The following ANO3 variants were observed in gnomAD, a reference collection of about 807,000 sequenced individuals.
ANO3 encodes the protein anoctamin-3.
ANO3 carries 99 observed loss-of-function variants against 144.8 expected under a neutral mutation model. The ratio of observed to expected loss-of-function variants is 0.68; its 90% CI spans 0.58 to 0.81. The LOEUF is 0.81. Among genes scored for constraint, ANO3 ranks in the 30% least tolerant of loss-of-function variants. The pLI is 0.00. For missense variants in ANO3, 905 were observed against 1,202.2 expected (o/e 0.75, Z 3.66); for synonymous variants, 414 against 392.6 (o/e 1.05, Z -0.64).
chr11:26,625,172 G>A (rs894042783), intron 18 of ANO3, among the ~76,000 whole-genome samples: 10 of 152,110 alleles, frequency 6.6e-5, no homozygotes, highest in African/African-American at 2.2e-4. Flanking sequence ...TGATCTGCCC[G>A]CCTCGGCCTC....
chr11:26,388,344 CTG>C (rs1856788724), intron 1 of ANO3, among the ~76,000 whole-genome samples: 1 of 151,966 alleles, frequency 6.6e-6, no homozygotes, highest in African/African-American at 2.4e-5. Context: ...CCTAAAGTGA[CTG>C]TAAGTCCTTT....
At chr11:26,620,980 C>T (rs1198973250) in intron 17 of ANO3, among the ~76,000 whole-genome samples, 1 of 152,096 alleles carries the variant, frequency 6.6e-6, no homozygotes, top group Admixed American at 6.6e-5. Context: ...GAAATTCAGA[C>T]AAGTAGATTA....
At chr11:26,547,688 C>CTT in intron 12 of ANO3, 138 bp downstream of exon 12, 4 of 831,134 alleles carry the variant, frequency 4.8e-6, no homozygotes, top group African/African-American at 2.0e-5. Flanking sequence ...TGTTTTTTGG[C>CTT]TTTTGTTTTT....
intron 1 of ANO3, among the ~76,000 whole-genome samples, chr11:26,311,945 A>T (rs575735975): frequency 6.6e-6 from 1 of 152,322 alleles, no homozygotes; most frequent in South Asian, 2.1e-4. Flanking sequence ...GGTGTGCTGC[A>T]CCCATTAACT....
intron 1 of ANO3, among the ~76,000 whole-genome samples, chr11:26,353,921 A>G (rs1855713354): frequency 6.6e-6 from 1 of 152,148 alleles, no homozygotes; most frequent in Non-Finnish European, 1.5e-5. Flanking sequence ...TGAAGAACAC[A>G]TTCTCATTTA....
intron 17 of ANO3, among the ~76,000 whole-genome samples, chr11:26,615,660 C>A (rs913805147): frequency 6.6e-6 from 1 of 151,998 alleles, no homozygotes; most frequent in South Asian, 2.1e-4. Flanking sequence ...TCTACACTTG[C>A]TTCCCTTCGA....
chr11:26,276,223 T>C (rs1304367676), intron 1 of ANO3, among the ~76,000 whole-genome samples: 1 of 152,106 alleles, frequency 6.6e-6, no homozygotes, highest in Non-Finnish European at 1.5e-5. Flanking sequence ...TCCTCAAATA[T>C]CGTTGCATAT....
intron 1 of ANO3, among the ~76,000 whole-genome samples, chr11:26,336,414 T>C (rs1227918695): frequency 6.6e-6 from 1 of 152,254 alleles, no homozygotes; most frequent in Non-Finnish European, 1.5e-5. Flanking sequence ...GTGTTTTTAG[T>C]AATTCCATAG....
At chr11:26,195,796 A>T (rs547951848) in intron 1 of ANO3, among the ~76,000 whole-genome samples, 1 of 152,300 alleles carries the variant, frequency 6.6e-6, no homozygotes, top group South Asian at 2.1e-4. Flanking sequence ...ACAACTACGA[A>T]TGTAGCTCAG....
chr11:26,636,649 G>A (rs1167229241), intron 20 of ANO3, among the ~76,000 whole-genome samples: 2 of 152,228 alleles, frequency 1.3e-5, no homozygotes, highest in African/African-American at 4.8e-5. Context: ...AAACACTGAT[G>A]AAGTTATGAT....
intron 4 of ANO3, among the ~76,000 whole-genome samples, chr11:26,501,616 T>C (rs1861197049): frequency 1.3e-5 from 2 of 152,146 alleles, no homozygotes; most frequent in South Asian, 4.1e-4. Context: ...CCATGCATGC[T>C]ACATGAAGAC....
chr11:26,300,612 G>C (rs921628450), intron 1 of ANO3, among the ~76,000 whole-genome samples: 9 of 152,108 alleles, frequency 5.9e-5, no homozygotes, highest in Admixed American at 2.0e-4. Context: ...CCAGATTTTG[G>C]CAGTCACATA....
In ANO3 at chr11:26,442,051, C is replaced by T. The variant is rs192799862; in HGVS notation, c.180C>T (p.Thr60=). 177 of 1,614,146 alleles carry T rather than the reference C, an allele frequency of 1.1e-4. No homozygotes were observed. The highest frequency in any genetic ancestry group is 3.2e-4 in the Admixed American group (19 of 60,010). The change falls in exon 2 of 27, where the codon ACC becomes ACT. Residue 60 remains threonine (T), a synonymous_variant. Transcript: ENST00000256737. ...AGTCTACTTCCCTCTTCCAGTCAAC[C>T]GAGAGTGAATCTCAGGCTCCCACAT... ...LSQSTSLFQS[T]ESESQAPTSI...
intron 17 of ANO3, among the ~76,000 whole-genome samples, chr11:26,602,915 C>T (rs1851840937): frequency 6.6e-6 from 1 of 152,056 alleles, no homozygotes; most frequent in Admixed American, 6.5e-5. Context: ...AAAATGTAAG[C>T]CTTTCTGGGG....
chr11:26,648,854 G>A (rs1335272584), intron 24 of ANO3, among the ~76,000 whole-genome samples: 1 of 152,160 alleles, frequency 6.6e-6, no homozygotes, highest in East Asian at 1.9e-4. Context: ...TGCAGGGCAT[G>A]TGCCACAACA....
At chr11:26,595,460 G>GTTTTTTTTTTTTTTTTTTTTTT (rs201712393) in intron 14 of ANO3, among the ~76,000 whole-genome samples, 13 of 101,384 alleles carry the variant, frequency 1.3e-4, no homozygotes, top group African/African-American at 2.9e-4. Flanking sequence ...AGATAGAGTT[G>GTTTTTTTTTTTTTTTTTTTTTT]TTTTTTTTTT....
intron 4 of ANO3, among the ~76,000 whole-genome samples, chr11:26,469,477 C>T (rs569262726): frequency 1.3e-4 from 20 of 151,944 alleles, no homozygotes; most frequent in African/African-American, 3.9e-4. Flanking sequence ...TATTCTTAGA[C>T]GACATCTCAC....
chr11:26,462,295 G>A (rs890336082), intron 3 of ANO3, among the ~76,000 whole-genome samples: 7 of 151,812 alleles, frequency 4.6e-5, no homozygotes, highest in Non-Finnish European at 7.4e-5. Flanking sequence ...TTAATTTGCA[G>A]AGATATTTAT....
intron 14 of ANO3, among the ~76,000 whole-genome samples, chr11:26,564,738 T>C (rs1383679589): frequency 0.01 from 222 of 21,494 alleles, no homozygotes; most frequent in Middle Eastern, 0.028. Flanking sequence ...CACACATATA[T>C]ATATATATAT....
Sources: gnomAD v4.1 joint callset for allele counts (sites outside exome capture counted in the v4.1 genomes callset) on GRCh38, gnomAD v4.1.1 for gene constraint, MANE v1.5 for transcripts, NCBI Gene and HGNC (gene_info 2026-07-23, HGNC 2026-07-21) for gene names.